TENM1: variants seen among roughly 807,000 people sequenced by gnomAD.
TENM1 encodes the protein teneurin transmembrane protein 1.
TENM1 carries 35 observed loss-of-function variants against 174.8 expected under a neutral mutation model. That is an observed-to-expected ratio of 0.20 (90% CI 0.15 to 0.27). The LOEUF (loss-of-function observed/expected upper bound fraction) is 0.27. TENM1 is among the 10% of genes least tolerant of loss of function. The pLI, the probability that TENM1 is intolerant of heterozygous loss-of-function variation, is 1.00. For missense variants in TENM1, 1,633 were observed against 2,130.1 expected, an observed-to-expected ratio of 0.77 and a Z score of 4.59; for synonymous variants, 781 against 798.7, an observed-to-expected ratio of 0.98 and a Z score of 0.37.
At chrX:124,949,867 C>T (rs761777273) in intron 1 of TENM1, among the ~76,000 whole-genome samples, 14 of 111,562 alleles carry the variant, frequency 1.3e-4, no homozygotes, top group Non-Finnish European at 2.3e-4. Flanking sequence ...AGCTGAATGG[C>T]ATGTACCATG....
chrX:124,585,927 G>A (rs1036883565), intron 11 of TENM1, among the ~76,000 whole-genome samples: 8 of 110,684 alleles, frequency 7.2e-5, no homozygotes, highest in Non-Finnish European at 1.5e-4. Flanking sequence ...AAATAAACTA[G>A]AAAATCTAGA....
the TENM1 span, among the ~76,000 whole-genome samples, chrX:124,991,775 C>T: frequency 1.8e-5 from 2 of 110,679 alleles, no homozygotes; most frequent in African/African-American, 3.3e-5. Context: ...CTAGGACCAA[C>T]GAATTAGGCA....
At chrX:125,020,940 C>T in the TENM1 span, among the ~76,000 whole-genome samples, 45 of 111,356 alleles carry the variant, frequency 4.0e-4, no homozygotes, top group African/African-American at 1.4e-3. Flanking sequence ...GTATTTCACT[C>T]GTTTCCCTCT....
chrX:124,971,937 TA>T, the TENM1 span, among the ~76,000 whole-genome samples: 1 of 111,673 alleles, frequency 9.0e-6, no homozygotes, highest in African/African-American at 3.3e-5. Context: ...ACCTGAGTTT[TA>T]AAAAAATTAA....
chrX:124,394,462 T>C (rs370531895), intron 27 of TENM1, among the ~76,000 whole-genome samples: 1 of 112,153 alleles, frequency 8.9e-6, no homozygotes, highest in African/African-American at 3.2e-5. Flanking sequence ...GAAAGAGTTT[T>C]GATCTTAGAG....
chrX:125,058,989 A>T, the TENM1 span, among the ~76,000 whole-genome samples: 312 of 73,293 alleles, frequency 4.3e-3, no homozygotes, highest in African/African-American at 0.013. Flanking sequence ...CATCATCATC[A>T]CACACACACA....
intron 11 of TENM1, among the ~76,000 whole-genome samples, chrX:124,631,620 C>T (rs1366369183): frequency 2.7e-5 from 3 of 111,242 alleles, no homozygotes; most frequent in Non-Finnish European, 5.7e-5. Flanking sequence ...ATGAATCTGG[C>T]TGGATGCAGT....
the TENM1 span, among the ~76,000 whole-genome samples, chrX:125,018,103 T>C: frequency 8.9e-6 from 1 of 112,240 alleles, no homozygotes; most frequent in Non-Finnish European, 1.9e-5. Flanking sequence ...AGTTTTGCTT[T>C]AAACCATAAG....
At chrX:125,196,839 T>C in the TENM1 span, among the ~76,000 whole-genome samples, 1 of 111,789 alleles carries the variant, frequency 8.9e-6, no homozygotes, top group Admixed American at 9.5e-5. Flanking sequence ...ATTTTAAATG[T>C]ACCTGAAAAA....
chrX:124,591,687 G>A (rs1278090266), intron 11 of TENM1, among the ~76,000 whole-genome samples: 2 of 111,518 alleles, frequency 1.8e-5, no homozygotes, highest in Non-Finnish European at 3.8e-5. Context: ...TGGATAGTCT[G>A]CGGACTACAT....
chrX:124,756,673 G>C (rs1407858615), intron 3 of TENM1, among the ~76,000 whole-genome samples: 1 of 110,755 alleles, frequency 9.0e-6, no homozygotes, highest in Non-Finnish European at 1.9e-5. Flanking sequence ...TTTTTGGTGT[G>C]GATGTCCTTT....
At chrX:125,153,702 T>TA in the TENM1 span, among the ~76,000 whole-genome samples, 1 of 112,181 alleles carries the variant, frequency 8.9e-6, no homozygotes, top group South Asian at 3.7e-4. Context: ...AATTGGGTGT[T>TA]AAACGTAAGG....
At chrX:124,728,333 T>C (rs2053488712) in intron 4 of TENM1, among the ~76,000 whole-genome samples, 1 of 111,845 alleles carries the variant, frequency 8.9e-6, no homozygotes, top group Admixed American at 9.5e-5. Flanking sequence ...CTCTCATTAG[T>C]ACTAGAAAGA....
At chrX:124,859,543 CA>C (rs780835887) in intron 3 of TENM1, among the ~76,000 whole-genome samples, 4,510 of 44,428 alleles carry the variant, frequency 0.1, 218 homozygotes, top group African/African-American at 0.29. Context: ...GACCCTGTCT[CA>C]AAAAAAAAAA....
In TENM1 at chrX:124,784,582, A is replaced by C. The variant is rs185872063; in HGVS notation, c.536-47385T>G. Among the ~76,000 whole-genome samples, 25 of 111,540 alleles carry C rather than the reference A, an allele frequency of 2.2e-4. No individual in the cohort carries two copies. The East Asian group carries it at 6.8e-3, about 30-fold the overall frequency. ...GTGGCAGTTATATGATTCTTCCTCT[A>C]ATATTCTGAGAGTCAAATACTCTGG... is the stretch of plus-strand genomic sequence containing the variant. On this transcript the variant is annotated intron_variant, in intron 3 of 31. Transcript: ENST00000422452.
At chrX:125,101,867 A>G in the TENM1 span, among the ~76,000 whole-genome samples, 3 of 92,034 alleles carry the variant, frequency 3.3e-5, no homozygotes, top group East Asian at 9.1e-4. Context: ...ATGTTTGAGA[A>G]CTGTGACCCA....
intron 5 of TENM1, among the ~76,000 whole-genome samples, chrX:124,692,182 C>T (rs1371023576): frequency 9.0e-6 from 1 of 111,284 alleles, no homozygotes; most frequent in Non-Finnish European, 1.9e-5. Flanking sequence ...AATACATAGC[C>T]ATGGGATCTA....
the TENM1 span, among the ~76,000 whole-genome samples, chrX:125,192,750 G>A: frequency 2.7e-5 from 3 of 111,229 alleles, no homozygotes; most frequent in Non-Finnish European, 5.7e-5. Context: ...AAATAAACAG[G>A]CATTTATTGT....
At chrX:124,479,900 T>C (rs995684709) in intron 22 of TENM1, among the ~76,000 whole-genome samples, 1 of 112,071 alleles carries the variant, frequency 8.9e-6, no homozygotes, top group Admixed American at 9.5e-5. Flanking sequence ...ATTAAATACT[T>C]ATTGTGGACC....
Sources: gnomAD v4.1 joint callset for allele counts (sites outside exome capture counted in the v4.1 genomes callset) on GRCh38, gnomAD v4.1.1 for gene constraint, MANE v1.5 for transcripts, NCBI Gene and HGNC (gene_info 2026-07-23, HGNC 2026-07-21) for gene names.